MACROD2: variants seen among roughly 807,000 people sequenced by gnomAD.
The protein encoded by MACROD2 is mono-ADP ribosylhydrolase 2.
A neutral mutation model predicts 70.4 loss-of-function variants in MACROD2; 36 were observed. The observed-to-expected ratio is 0.51, with a 90% confidence interval of 0.39 to 0.68. The LOEUF (loss-of-function observed/expected upper bound fraction) is 0.68, where lower values mean the gene tolerates loss of function less well. Among genes scored for constraint, MACROD2 ranks in the 30% least tolerant of loss-of-function variants. The pLI is 0.00. For synonymous variants in MACROD2, 172 were observed against 178.8 expected, an observed-to-expected ratio of 0.96 and a Z score of 0.30; for missense variants, 496 against 538.4, an observed-to-expected ratio of 0.92 and a Z score of 0.78.
intron 8 of MACROD2, among the ~76,000 whole-genome samples, chr20:15,756,203 C>A (rs1017938106): frequency 6.6e-6 from 1 of 152,190 alleles, no homozygotes; most frequent in Admixed American, 6.5e-5. Context: ...AATACAAACC[C>A]TGTCTATGAA....
rs186258363 is a variant in MACROD2 at position 14,897,069 on chromosome 20, T to C, written c.418+212110T>C. 2.4e-4 allele frequency among the ~76,000 whole-genome samples: 36 copies of C among 152,292 alleles called. 1 individual carries two copies. In the East Asian group the frequency reaches 6.0e-3, roughly 25 times the overall value. ...GTTACAGTAGACTAACCACAGAGCC[T>C]GGAGTTCCTGCACTTTTCTTGATTT... On this transcript the variant is annotated intron_variant, in intron 5 of 17. Coordinates refer to ENST00000684519, the MANE Select transcript of MACROD2 (RefSeq NM_001351661.2).
intron 6 of MACROD2, among the ~76,000 whole-genome samples, chr20:15,243,921 A>G (rs1435754312): frequency 6.6e-6 from 1 of 152,076 alleles, no homozygotes; most frequent in East Asian, 1.9e-4. Flanking sequence ...GCGAGACTCC[A>G]TCTCAAAAAC....
chr20:14,105,630 G>C (rs988057181), intron 3 of MACROD2, among the ~76,000 whole-genome samples: 6 of 152,216 alleles, frequency 3.9e-5, no homozygotes, highest in African/African-American at 1.4e-4. Flanking sequence ...CTTGGAGCCA[G>C]TGAACTAGGG....
At chr20:14,819,491 G>T (rs543722295) in intron 5 of MACROD2, among the ~76,000 whole-genome samples, 1 of 151,772 alleles carries the variant, frequency 6.6e-6, no homozygotes, top group South Asian at 2.1e-4. Context: ...GCTAGGCAAT[G>T]TGAGTACCAC....
chr20:14,434,809 C>G (rs2084037936), intron 3 of MACROD2, among the ~76,000 whole-genome samples: 1 of 152,234 alleles, frequency 6.6e-6, no homozygotes, highest in African/African-American at 2.4e-5. Flanking sequence ...TTTCCTCTTT[C>G]ATCCACTTTA....
chr20:14,175,952 C>T (rs931784667), intron 3 of MACROD2, among the ~76,000 whole-genome samples: 1 of 152,074 alleles, frequency 6.6e-6, no homozygotes, highest in African/African-American at 2.4e-5. Context: ...TCTTGTTGTC[C>T]TAATTTTTCA....
intron 6 of MACROD2, among the ~76,000 whole-genome samples, chr20:15,244,468 G>A (rs2077088079): frequency 6.6e-6 from 1 of 152,198 alleles, no homozygotes; most frequent in Admixed American, 6.5e-5. Flanking sequence ...GCTGTCAGCT[G>A]CCTAGTTTGG....
At chr20:14,178,174 A>T (rs958651217) in intron 3 of MACROD2, among the ~76,000 whole-genome samples, 1 of 152,146 alleles carries the variant, frequency 6.6e-6, no homozygotes, top group Non-Finnish European at 1.5e-5. Context: ...TTAAAAATGA[A>T]GAGGCAAAAG....
chr20:15,416,102 C>T lies in MACROD2; in HGVS notation c.541-15303C>T, dbSNP rs577785091. On this transcript the variant is annotated intron_variant, in intron 6 of 17. Coordinates refer to ENST00000684519, the MANE Select transcript of MACROD2 (RefSeq NM_001351661.2). ...ACTTACCTCCTGGGGCCTGAGCTGTCATATCTCCTTGCAGACTGGCTGCTC... is the reference window on the plus strand; with the variant it reads ...ACTTACCTCCTGGGGCCTGAGCTGTTATATCTCCTTGCAGACTGGCTGCTC... Among the ~76,000 whole-genome samples, 4 of 152,324 alleles carry T rather than the reference C, an allele frequency of 2.6e-5. No homozygotes were observed. In the South Asian group the frequency reaches 8.3e-4, roughly 32 times the overall value.
chr20:14,258,665 T>C (rs1177550833), intron 3 of MACROD2, among the ~76,000 whole-genome samples: 1 of 152,210 alleles, frequency 6.6e-6, no homozygotes, highest in African/African-American at 2.4e-5. Flanking sequence ...GTGGGTTGTC[T>C]GTTTACTCTG....
intron 5 of MACROD2, among the ~76,000 whole-genome samples, chr20:14,780,817 A>C (rs764820840): frequency 7.9e-5 from 12 of 152,136 alleles, no homozygotes; most frequent in Non-Finnish European, 1.8e-4. Flanking sequence ...CCGTTTTCAC[A>C]AAATCTAGGA....
intron 8 of MACROD2, among the ~76,000 whole-genome samples, chr20:15,765,032 T>C (rs2051500012): frequency 6.6e-6 from 1 of 152,096 alleles, no homozygotes; most frequent in Non-Finnish European, 1.5e-5. Flanking sequence ...CCCCCGGTCT[T>C]TGCTGCCTTG....
chr20:15,064,851 C>T (rs73897244), intron 5 of MACROD2, among the ~76,000 whole-genome samples: 10,106 of 152,196 alleles, frequency 0.066, 364 homozygotes, highest in Middle Eastern at 0.17. Context: ...AGAGAGTGGT[C>T]GTGGCATAAG....
intron 2 of MACROD2, among the ~76,000 whole-genome samples, chr20:14,003,020 A>G (rs1001652352): frequency 6.6e-6 from 1 of 152,214 alleles, no homozygotes; most frequent in African/African-American, 2.4e-5. Flanking sequence ...AACATAATAG[A>G]TTTAATGGAT....
At chr20:14,686,586 T>C (rs528723535) in intron 5 of MACROD2, among the ~76,000 whole-genome samples, 1 of 152,344 alleles carries the variant, frequency 6.6e-6, no homozygotes, top group African/African-American at 2.4e-5. Context: ...TACCATTGTG[T>C]TACAATTATT....
At chr20:14,952,553 C>T (rs1017406485) in intron 5 of MACROD2, among the ~76,000 whole-genome samples, 3 of 152,116 alleles carry the variant, frequency 2.0e-5, no homozygotes, top group Non-Finnish European at 2.9e-5. Flanking sequence ...CCAGTACTGC[C>T]TTCCATCAAA....
At chr20:14,038,884 G>A (rs2053352589) in intron 2 of MACROD2, among the ~76,000 whole-genome samples, 1 of 151,816 alleles carries the variant, frequency 6.6e-6, no homozygotes, top group Admixed American at 6.6e-5. Context: ...CTTAAGATCT[G>A]TTGAACGTTA....
At chr20:14,761,502 A>G (rs1409725546) in intron 5 of MACROD2, among the ~76,000 whole-genome samples, 1 of 152,096 alleles carries the variant, frequency 6.6e-6, no homozygotes, top group Non-Finnish European at 1.5e-5. Flanking sequence ...TATTTCAGTG[A>G]GTTTACTGCC....
At chr20:14,460,698 G>A (rs1178422474) in intron 3 of MACROD2, among the ~76,000 whole-genome samples, 1 of 152,020 alleles carries the variant, frequency 6.6e-6, no homozygotes, top group African/African-American at 2.4e-5. Flanking sequence ...TTTGTCATTG[G>A]TTCTGCTTAT....
Sources: allele counts gnomAD v4.1 joint callset (sites outside exome capture counted in the v4.1 genomes callset), GRCh38; gene constraint gnomAD v4.1.1; transcripts MANE v1.5; gene names NCBI Gene and HGNC (gene_info 2026-07-23, HGNC 2026-07-21).